The following SPMIP4 variants were observed in gnomAD, a reference collection of about 807,000 sequenced individuals.
SPMIP4 encodes the protein sperm-associated microtubule inner protein 4.
At chr7:25,134,722 G>A in the SPMIP4 span, 5 of 984,948 alleles carry the variant, frequency 5.1e-6, no homozygotes, top group African/African-American at 7.0e-5. Flanking sequence ...ACCTTCCAAA[G>A]TTTATTATTT....
At chr7:25,177,432 G>A in the SPMIP4 span, among the ~76,000 whole-genome samples, 7 of 152,006 alleles carry the variant, frequency 4.6e-5, no homozygotes, top group Admixed American at 3.9e-4. Context: ...GCAGTAAGCC[G>A]AGATTGTGCC....
the SPMIP4 span, chr7:25,136,225 T>G: frequency 6.2e-7 from 1 of 1,614,066 alleles, no homozygotes; most frequent in African/African-American, 1.3e-5. The surrounding 1 kb of genome is among the most constrained non-coding windows in gnomAD (Gnocchi z 5.7). Context: ...TTCTTCTGGC[T>G]TACTTAAAAA....
At chr7:25,158,563 A>T in the SPMIP4 span, 1 of 1,585,492 alleles carries the variant, frequency 6.3e-7, no homozygotes, top group Non-Finnish European at 8.6e-7. Flanking sequence ...GTTCTAACTT[A>T]TATTGAGGGC....
chr7:25,158,384 A>G, the SPMIP4 span: 7 of 760,788 alleles, frequency 9.2e-6, no homozygotes, highest in South Asian at 6.2e-5. Flanking sequence ...AAAAAAAAAA[A>G]AAAAGAAACG....
the SPMIP4 span, among the ~76,000 whole-genome samples, chr7:25,159,989 GA>G: frequency 0.46 from 67,509 of 147,756 alleles, 15,742 homozygotes; most frequent in African/African-American, 0.59. Flanking sequence ...GATTCGAAAT[GA>G]AAAAAAAAAA....
At chr7:25,173,311 A>G in the SPMIP4 span, among the ~76,000 whole-genome samples, 5 of 152,314 alleles carry the variant, frequency 3.3e-5, no homozygotes, top group Non-Finnish European at 7.4e-5. This position sits in a 1 kb window ranked among gnomAD's most constrained non-coding sequence, Gnocchi z 4.4. Flanking sequence ...CTAGATTGAG[A>G]GTTGGCAAAG....
the SPMIP4 span, among the ~76,000 whole-genome samples, chr7:25,158,726 GAAAAATACC>G: frequency 1.3e-4 from 19 of 151,722 alleles, no homozygotes; most frequent in Admixed American, 7.9e-4. Context: ...ATACAAAATA[GAAAAATACC>G]AAAAATACCA....
At chr7:25,161,792 A>C in the SPMIP4 span, among the ~76,000 whole-genome samples, 1 of 11,536 alleles carries the variant, frequency 8.7e-5, no homozygotes, top group African/African-American at 1.9e-4. Context: ...TTCAGTATTC[A>C]TTTGAAATTA....
chr7:25,161,361 A>G, the SPMIP4 span: 1 of 525,726 alleles, frequency 1.9e-6, no homozygotes, highest in Non-Finnish European at 3.3e-6. Context: ...ATCCACATAT[A>G]TGTAGAAATT....
the SPMIP4 span, among the ~76,000 whole-genome samples, chr7:25,170,674 A>G: frequency 1.3e-5 from 2 of 152,218 alleles, no homozygotes; most frequent in African/African-American, 4.8e-5. Context: ...CCTTACGCTT[A>G]GGTCTTTGAT....
chr7:25,142,013 GGT>G, the SPMIP4 span, among the ~76,000 whole-genome samples: 1 of 152,204 alleles, frequency 6.6e-6, no homozygotes, highest in Non-Finnish European at 1.5e-5. Flanking sequence ...TGGGATTACA[GGT>G]GTGAGGCACT....
At chr7:25,142,361 G>A in the SPMIP4 span, 1 of 1,487,866 alleles carries the variant, frequency 6.7e-7, no homozygotes. Flanking sequence ...TTATTATTTT[G>A]TTAGGGTAAA....
chr7:25,135,473 C>T, the SPMIP4 span: 4 of 985,840 alleles, frequency 4.1e-6, no homozygotes, highest in Non-Finnish European at 4.8e-6. Flanking sequence ...GTGTCCATCC[C>T]TCAATTAACT....
chr7:25,148,939 A>G, the SPMIP4 span, among the ~76,000 whole-genome samples: 1 of 152,248 alleles, frequency 6.6e-6, no homozygotes, highest in Admixed American at 6.5e-5. Context: ...ATGGACAGAA[A>G]AAGGAAAGTG....
At chr7:25,129,280 G>C in the SPMIP4 span, among the ~76,000 whole-genome samples, 91,224 of 152,088 alleles carry the variant, frequency 0.6, 28,537 homozygotes, top group Non-Finnish European at 0.69. Flanking sequence ...TTTAGCCCAC[G>C]GTAGCTGGGC....
the SPMIP4 span, among the ~76,000 whole-genome samples, chr7:25,138,652 G>A: frequency 6.6e-6 from 1 of 152,184 alleles, no homozygotes; most frequent in South Asian, 2.1e-4. The surrounding 1 kb of genome is among the most constrained non-coding windows in gnomAD (Gnocchi z 6.2). Flanking sequence ...CATTTATGTT[G>A]AGTAATAAAA....
the SPMIP4 span, among the ~76,000 whole-genome samples, chr7:25,164,982 T>G: frequency 6.6e-6 from 1 of 152,264 alleles, no homozygotes; most frequent in African/African-American, 2.4e-5. Context: ...GTGAGTAGTA[T>G]TCCATGGTAT....
At chr7:25,126,616 T>G in the SPMIP4 span, among the ~76,000 whole-genome samples, 1 of 152,260 alleles carries the variant, frequency 6.6e-6, no homozygotes, top group African/African-American at 2.4e-5. Context: ...TTCTTGTTTC[T>G]ATTTATATAT....
the SPMIP4 span, among the ~76,000 whole-genome samples, chr7:25,171,410 G>C: frequency 6.6e-6 from 1 of 152,144 alleles, no homozygotes; most frequent in East Asian, 1.9e-4. Flanking sequence ...CTGTGATAGA[G>C]GAATCAAATC....
Sources: allele counts gnomAD v4.1 joint callset (sites outside exome capture counted in the v4.1 genomes callset), GRCh38; gene constraint gnomAD v4.1.1; non-coding constraint Gnocchi (gnomAD v3.1); transcripts MANE v1.5; gene names NCBI Gene and HGNC (gene_info 2026-07-23, HGNC 2026-07-21).